Variants in LRCH3 observed in about 807,000 individuals in gnomAD.
LRCH3 encodes DISP complex protein LRCH3.
Under a neutral mutation model 104.5 loss-of-function variants are expected in LRCH3, and 68 were observed. That is an observed-to-expected ratio of 0.65 (90% CI 0.54 to 0.80). The LOEUF is 0.80. LRCH3 is among the 30% of genes least tolerant of loss of function. The pLI is 0.00. For missense variants in LRCH3, 951 were observed against 953.9 expected (o/e 1.00, Z 0.04); for synonymous variants, 344 against 361.3 (o/e 0.95, Z 0.54).
intron 10 of LRCH3, among the ~76,000 whole-genome samples, chr3:197,841,948 T>C (rs1737866116): frequency 6.6e-6 from 1 of 152,100 alleles, no homozygotes; most frequent in African/African-American, 2.4e-5. Flanking sequence ...TCCTCCCACC[T>C]CAGCCGCTGG....
intron 5 of LRCH3, among the ~76,000 whole-genome samples, chr3:197,827,481 T>A (rs910045047): frequency 1.3e-5 from 2 of 152,198 alleles, no homozygotes; most frequent in African/African-American, 4.8e-5. Flanking sequence ...TCGCATGGAC[T>A]TTTTTTGGAC....
rs549146282 is a variant in LRCH3, at chr3:197,829,501, T to G, written c.778-63T>G. The G allele has an allele frequency of 4.8e-4, 472 of 991,228 alleles. 18 individuals carry two copies. In the Admixed American group the frequency reaches 0.011, roughly 24 times the overall value. 61.4% of individuals were successfully genotyped at this position (991,228 alleles called of 1,614,324 possible). On this transcript the variant is annotated intron_variant, in intron 5 of 20. Coordinates refer to ENST00000425562, the MANE Select transcript of LRCH3 (RefSeq NM_001365715.1). The stretch of plus-strand genomic sequence containing the variant: ...ATGTATGTTACATAAAATGTTGATA[T>G]GATAAAAAGGAGCATACTTCAGATG...
At chr3:197,878,338 G>A (rs763065463) in intron 20 of LRCH3, among the ~76,000 whole-genome samples, 1 of 152,164 alleles carries the variant, frequency 6.6e-6, no homozygotes, top group Admixed American at 6.5e-5. Context: ...GTACAAAACA[G>A]TGTGCCTTAA....
Position 197,882,452 on chromosome 3 carries a change from C to T in LRCH3, c.2209-1089C>T, listed in dbSNP as rs374570603. On this transcript the variant is annotated intron_variant, in intron 20 of 20. Transcript: ENST00000425562. Reference sequence around the variant, plus strand: ...AGTACCAATAACTGCCTCAAAAATACTTGTTATATATTTTATTGTAACTGG... The same window carrying T: ...AGTACCAATAACTGCCTCAAAAATATTTGTTATATATTTTATTGTAACTGG... The T allele has an allele frequency of 5.2e-3, 4,926 of 947,412 alleles. 29 individuals carry two copies. Among genetic ancestry groups the T allele is most frequent in the Middle Eastern group, 9.2e-3 (17 of 1,838 alleles). The allele number at this position is 947,412 out of a possible 1,614,324, so 58.7% of individuals were successfully genotyped here. A position where few individuals can be genotyped will look rare whatever the true frequency, so the allele number is the denominator to read the frequency against.
chr3:197,858,375 C>T (rs895939447), intron 14 of LRCH3, among the ~76,000 whole-genome samples: 1 of 152,024 alleles, frequency 6.6e-6, no homozygotes, highest in African/African-American at 2.4e-5. Context: ...AATGCCGGTT[C>T]CTCCTTTAGG....
Position 197,795,974 on chromosome 3 carries a change from AC to A in LRCH3, c.262+4437del, listed in dbSNP as rs576050226. On this transcript the variant is annotated intron_variant, in intron 1 of 20. Coordinates refer to ENST00000425562, the MANE Select transcript of LRCH3 (RefSeq NM_001365715.1). ...TCAAAGTGCTGGGATTACAGGTGTGACCCACCGCACCCGGCCAGAATTTTTT... is the reference window on the plus strand; with the variant it reads ...TCAAAGTGCTGGGATTACAGGTGTGACCACCGCACCCGGCCAGAATTTTTT... 2.8e-4 allele frequency among the ~76,000 whole-genome samples: 42 copies of A among 152,078 alleles called. 1 individual carries two copies. In the South Asian group the frequency reaches 8.1e-3, roughly 29 times the overall value.
intron 1 of LRCH3, among the ~76,000 whole-genome samples, chr3:197,798,848 A>C (rs1306497240): frequency 6.6e-6 from 1 of 152,232 alleles, no homozygotes; most frequent in East Asian, 1.9e-4. Flanking sequence ...TAGAAATTTA[A>C]AACTTGGTTC....
intron 20 of LRCH3, chr3:197,882,114 C>G (rs1713822578): frequency 2.0e-6 from 2 of 985,292 alleles, no homozygotes; most frequent in South Asian, 4.7e-5. Context: ...ATTGTACATT[C>G]TCTTGAGAAC....
At chr3:197,852,753 C>T in intron 13 of LRCH3, 133 bp downstream of exon 13, 1 of 877,854 alleles carries the variant, frequency 1.1e-6, no homozygotes, top group Non-Finnish European at 1.8e-6. Flanking sequence ...CAATATTCTC[C>T]TTATGAGGGA....
At chr3:197,822,300 C>T (rs1272012056) in intron 4 of LRCH3, among the ~76,000 whole-genome samples, 1 of 152,120 alleles carries the variant, frequency 6.6e-6, no homozygotes. Context: ...AAAATCATGA[C>T]CTCTAGGACC....
chr3:197,864,487 G>A (rs1285067986), intron 15 of LRCH3, among the ~76,000 whole-genome samples: 1 of 139,516 alleles, frequency 7.2e-6, no homozygotes, highest in African/African-American at 2.8e-5. Flanking sequence ...GTGCATGCCT[G>A]TAATCCCAGC....
intron 17 of LRCH3, among the ~76,000 whole-genome samples, chr3:197,869,821 G>A (rs200712679): frequency 7.5e-6 from 1 of 133,554 alleles, no homozygotes; most frequent in Non-Finnish European, 1.6e-5. Context: ...GGTAGAAAGC[G>A]ATGCACTGTA....
chr3:197,796,776 TA>T (rs1309771760), intron 1 of LRCH3, among the ~76,000 whole-genome samples: 10 of 152,238 alleles, frequency 6.6e-5, no homozygotes, highest in African/African-American at 2.2e-4. Flanking sequence ...CAATTTCTGA[TA>T]CATTTGACCC....
Position 197,832,566 on chromosome 3 carries a change from C to T in LRCH3, c.1102+249C>T, listed in dbSNP as rs1255096789. Reference sequence around the variant, plus strand: ...TTTTGGGAGGAAACTTTATTAGAGACAGTACACCTGGAGCAGATCTTTGTT... The same window carrying T: ...TTTTGGGAGGAAACTTTATTAGAGATAGTACACCTGGAGCAGATCTTTGTT... On this transcript the variant is annotated intron_variant, in intron 8 of 20. Transcript: ENST00000425562. 3.3e-5 allele frequency among the ~76,000 whole-genome samples: 5 copies of T among 152,130 alleles called. 1 individual carries two copies. The highest frequency in any genetic ancestry group is 7.4e-5 in the Non-Finnish European group (5 of 68,018).
At chr3:197,806,897 G>C (rs1375301214) in intron 1 of LRCH3, among the ~76,000 whole-genome samples, 1 of 151,466 alleles carries the variant, frequency 6.6e-6, no homozygotes, top group Non-Finnish European at 1.5e-5. Flanking sequence ...AAATTAGCCT[G>C]ACATGGTTCC....
At chr3:197,871,211 TG>T in intron 18 of LRCH3, 113 bp from the exon 19 acceptor site, 1 of 814,204 alleles carries the variant, frequency 1.2e-6, no homozygotes. Context: ...ATGGATATTG[TG>T]GTACTTATTT....
intron 1 of LRCH3, among the ~76,000 whole-genome samples, chr3:197,800,331 C>T (rs1198897084): frequency 2.0e-5 from 3 of 152,116 alleles, no homozygotes; most frequent in African/African-American, 4.8e-5. Context: ...AATGTCTATA[C>T]ACAAGTAAGA....
intron 15 of LRCH3, among the ~76,000 whole-genome samples, chr3:197,862,034 G>A (rs949494618): frequency 3.9e-5 from 6 of 151,952 alleles, no homozygotes; most frequent in African/African-American, 1.2e-4. Flanking sequence ...TTGCTCTGTC[G>A]CTCAGGCTGG....
At chr3:197,813,081 T>C (rs992745596) in intron 1 of LRCH3, among the ~76,000 whole-genome samples, 1 of 152,212 alleles carries the variant, frequency 6.6e-6, no homozygotes, top group Non-Finnish European at 1.5e-5. Flanking sequence ...AAGTGGTATC[T>C]TATAGTTTTT....
Sources: gnomAD v4.1 joint callset for allele counts (sites outside exome capture counted in the v4.1 genomes callset) on GRCh38, gnomAD v4.1.1 for gene constraint, MANE v1.5 for transcripts, NCBI Gene and HGNC (gene_info 2026-07-23, HGNC 2026-07-21) for gene names.